The following TMEM117 variants were observed in gnomAD, a reference collection of about 807,000 sequenced individuals.
TMEM117 encodes the protein transmembrane protein 117.
Under a neutral mutation model 52.4 loss-of-function variants are expected in TMEM117, and 27 were observed. The ratio of observed to expected loss-of-function variants is 0.51; its 90% CI spans 0.38 to 0.71. TMEM117 has a LOEUF of 0.71. TMEM117 is among the 30% of genes least tolerant of loss of function. The pLI, the probability that TMEM117 is intolerant of heterozygous loss-of-function variation, is 0.00. For missense variants in TMEM117, 556 were observed against 630.5 expected, an observed-to-expected ratio of 0.88 and a Z score of 1.26; for synonymous variants, 215 against 206.3, an observed-to-expected ratio of 1.04 and a Z score of -0.36.
chr12:44,330,553 TC>T lies in TMEM117; in HGVS notation c.768+30815del, dbSNP rs1285715635. ...ATTGATGAGATATTTTACATTTTTT[TC>T]ATACTAAGTTGTTAGTGTGCATTTT... On this transcript the variant is annotated intron_variant, in intron 6 of 7. Transcript: ENST00000266534. Among the ~76,000 whole-genome samples the T allele has an allele frequency of 1.1e-4, 16 of 152,222 alleles. No homozygotes were observed. The South Asian group carries it at 2.5e-3, about 24-fold the overall frequency.
intron 3 of TMEM117, among the ~76,000 whole-genome samples, chr12:43,968,908 A>C (rs1945528785): frequency 6.6e-6 from 1 of 152,198 alleles, no homozygotes; most frequent in Admixed American, 6.5e-5. Flanking sequence ...ATCACTTAAC[A>C]CTTCCTTATG....
At chr12:44,259,072 A>G (rs907802712) in intron 5 of TMEM117, among the ~76,000 whole-genome samples, 1 of 152,102 alleles carries the variant, frequency 6.6e-6, no homozygotes, top group Non-Finnish European at 1.5e-5. Context: ...AATGTACTTC[A>G]CTTTTCATAT....
chr12:43,828,059 T>A, the TMEM117 span, among the ~76,000 whole-genome samples: 2 of 152,214 alleles, frequency 1.3e-5, no homozygotes, highest in South Asian at 4.1e-4. Context: ...CTGGCACAGA[T>A]AATTTTACAC....
intron 6 of TMEM117, among the ~76,000 whole-genome samples, chr12:44,352,620 T>A (rs530696782): frequency 2.0e-5 from 3 of 152,302 alleles, no homozygotes; most frequent in Admixed American, 2.0e-4. Flanking sequence ...ACAAAGGACA[T>A]GAACTCATCA....
the TMEM117 span, among the ~76,000 whole-genome samples, chr12:43,813,231 G>GCTTTTTTTTTTTTTTTTTTTTTTTTTTT: frequency 1.6e-5 from 1 of 62,618 alleles, no homozygotes; most frequent in African/African-American, 5.9e-5. Context: ...GTTTTCTCTT[G>GCTTTTTTTTTTTTTTTTTTTTTTTTTTT]TTTTTTTTTT....
the TMEM117 span, among the ~76,000 whole-genome samples, chr12:43,819,607 T>C: frequency 6.6e-6 from 1 of 152,110 alleles, no homozygotes; most frequent in African/African-American, 2.4e-5. Flanking sequence ...ACCTCGTCTC[T>C]ACTAAAAATA....
chr12:44,117,321 C>G (rs751652762), intron 3 of TMEM117, among the ~76,000 whole-genome samples: 4 of 151,764 alleles, frequency 2.6e-5, no homozygotes, highest in Admixed American at 6.6e-5. Context: ...CACATGGAAG[C>G]TTTATCTAAT....
chr12:44,088,434 ATCT>A (rs1375325579), intron 3 of TMEM117, among the ~76,000 whole-genome samples: 1 of 152,212 alleles, frequency 6.6e-6, no homozygotes, highest in Non-Finnish European at 1.5e-5. Context: ...ATTAACTCAG[ATCT>A]TCTAATTTTA....
chr12:44,059,403 T>C (rs1565811329), intron 3 of TMEM117, among the ~76,000 whole-genome samples: 1 of 152,232 alleles, frequency 6.6e-6, no homozygotes, highest in Non-Finnish European at 1.5e-5. Context: ...TCTCCATTGT[T>C]ACAAGGAGAG....
chr12:44,220,573 C>T (rs562962727), intron 5 of TMEM117, among the ~76,000 whole-genome samples: 1 of 152,124 alleles, frequency 6.6e-6, no homozygotes, highest in South Asian at 2.1e-4. Context: ...AGAATAATAC[C>T]TCAGTGGTAA....
Position 44,377,496 on chromosome 12 carries a change from C to A in TMEM117, c.898+772C>A, listed in dbSNP as rs185387254. Among the ~76,000 whole-genome samples, 103 of 152,244 alleles carry A rather than the reference C, an allele frequency of 6.8e-4. 1 individual carries two copies. The highest frequency in any genetic ancestry group is 5.9e-5 in the Non-Finnish European group (4 of 68,010). On this transcript the variant is annotated intron_variant, in intron 7 of 7. Transcript: ENST00000266534. ...TTATTTTATTTTCAGATATTTTCTG[C>A]TTTTGAAATGGCTAAAATATGATTT...
intron 3 of TMEM117, among the ~76,000 whole-genome samples, chr12:43,964,378 C>T (rs1389927596): frequency 1.3e-5 from 2 of 152,258 alleles, no homozygotes; most frequent in Admixed American, 6.5e-5. Context: ...CCACTCCTAC[C>T]TCTCAACTAG....
intron 3 of TMEM117, among the ~76,000 whole-genome samples, chr12:44,131,204 C>T (rs1948408281): frequency 6.6e-6 from 1 of 151,998 alleles, no homozygotes; most frequent in Admixed American, 6.6e-5. Flanking sequence ...TCATTATTAT[C>T]CTGTTCAAAA....
At chr12:43,855,931 G>A (rs564758499) in intron 2 of TMEM117, among the ~76,000 whole-genome samples, 4 of 152,244 alleles carry the variant, frequency 2.6e-5, no homozygotes, top group Non-Finnish European at 4.4e-5. Context: ...ATCAAAACAT[G>A]AAGAATTCGA....
At chr12:43,948,248 ACT>A (rs1945165307) in intron 3 of TMEM117, among the ~76,000 whole-genome samples, 2 of 151,474 alleles carry the variant, frequency 1.3e-5, no homozygotes, top group African/African-American at 4.9e-5. Context: ...CTCAAATTTG[ACT>A]CTCTTTCTGC....
intron 4 of TMEM117, among the ~76,000 whole-genome samples, chr12:44,167,597 G>C (rs1368518874): frequency 1.3e-5 from 2 of 151,984 alleles, no homozygotes; most frequent in Non-Finnish European, 2.9e-5. Flanking sequence ...AACCCGGGAG[G>C]CAGAATTTGC....
intron 3 of TMEM117, among the ~76,000 whole-genome samples, chr12:43,974,481 T>C (rs1268914910): frequency 6.6e-6 from 1 of 152,162 alleles, no homozygotes; most frequent in Non-Finnish European, 1.5e-5. Flanking sequence ...GTTCTATTTC[T>C]GAGTTCTTGT....
chr12:44,334,808 T>G (rs1456427865), intron 6 of TMEM117, among the ~76,000 whole-genome samples: 6 of 152,030 alleles, frequency 3.9e-5, no homozygotes, highest in Non-Finnish European at 8.8e-5. Flanking sequence ...TACTGTTTCA[T>G]GAGTATCTGA....
At chr12:44,059,087 C>T (rs891082036) in intron 3 of TMEM117, among the ~76,000 whole-genome samples, 4 of 152,106 alleles carry the variant, frequency 2.6e-5, no homozygotes, top group African/African-American at 9.7e-5. Context: ...GGGGTTCATG[C>T]TCCTATGAGA....
Sources: allele counts gnomAD v4.1 joint callset (sites outside exome capture counted in the v4.1 genomes callset), GRCh38; gene constraint gnomAD v4.1.1; transcripts MANE v1.5; gene names NCBI Gene and HGNC (gene_info 2026-07-23, HGNC 2026-07-21).